ARHGEF1: variants seen among roughly 807,000 people sequenced by gnomAD.
ARHGEF1 encodes Rho guanine nucleotide exchange factor 1.
A neutral mutation model predicts 119.7 loss-of-function variants in ARHGEF1; 40 were observed. The ratio of observed to expected loss-of-function variants is 0.33; its 90% CI spans 0.26 to 0.44. ARHGEF1 has a LOEUF of 0.44. Among genes scored for constraint, ARHGEF1 ranks in the 20% least tolerant of loss-of-function variants. ARHGEF1 has a pLI of 1.00. For synonymous variants in ARHGEF1, 494 were observed against 521.0 expected (o/e 0.95, Z 0.71); for missense variants, 976 against 1,268.3 (o/e 0.77, Z 3.50).
chr19:41,888,999 AAG>A lies in ARHGEF1; in HGVS notation c.225+140_225+141del, dbSNP rs1233060279. ...TAGAACACAGAGAGCCAGATCTAGAAAGAGAGAATGCTTTAGACAAGAGCCAG... is the reference window on the plus strand; with the variant it reads ...TAGAACACAGAGAGCCAGATCTAGAAAGAGAATGCTTTAGACAAGAGCCAG... On this transcript the variant is annotated intron_variant, in intron 4 of 28. Coordinates refer to ENST00000354532, the MANE Select transcript of ARHGEF1 (RefSeq NM_004706.4). The surrounding 1 kb of genome is among the most constrained non-coding windows in gnomAD (Gnocchi z 5.1). 3.0e-4 allele frequency: 218 copies of A among 729,520 alleles called. No individual in the cohort carries two copies. The East Asian group carries it at 3.1e-3, about 10-fold the overall frequency. 45.2% of individuals were successfully genotyped at this position (729,520 alleles called of 1,614,324 possible).
Position 41,896,477 on chromosome 19 carries a change from C to A in ARHGEF1, c.1116C>A (p.Thr372=). The A allele has an allele frequency of 6.7e-7, 1 of 1,487,128 alleles. No homozygotes were observed. The highest frequency in any genetic ancestry group is 8.9e-7 in the Non-Finnish European group (1 of 1,117,440). The allele number at this position is 1,487,128 out of a possible 1,614,324, so 92.1% of individuals were successfully genotyped here. A position where few individuals can be genotyped will look rare whatever the true frequency, so the allele number is the denominator to read the frequency against. ...AGAGTACCGACGAGGGGGCCGAAAC[C>A]GAGAGGTGCCCAGGCTGGGGTGCAG... is the stretch of plus-strand genomic sequence containing the variant. ...PPESTDEGAE[T]ESPEPGDEGE... Residue 372 remains threonine (T), a synonymous_variant, in exon 13 of 29, where the codon ACC becomes ACA. Coordinates refer to ENST00000354532, the MANE Select transcript of ARHGEF1 (RefSeq NM_004706.4).
At position 41,907,220 on chromosome 19, in the gene ARHGEF1, G is replaced by A. The variant is rs1040232027; in HGVS notation, c.*133G>A. 3.3e-6 allele frequency: 5 copies of A among 1,518,862 alleles called. No homozygotes were observed. Among genetic ancestry groups the A allele is most frequent in the African/African-American group, 1.4e-5 (1 of 72,454 alleles). The allele number at this position is 1,518,862 out of a possible 1,614,324, so 94.1% of individuals were successfully genotyped here. ...CTGAGGAGAGGGAGCTGTGGGCCAC[G>A]CCTGGGAGGGGCCCAGCTGGGGTTA... On this transcript the variant is annotated 3_prime_UTR_variant, in exon 29 of 29. Coordinates refer to ENST00000354532, the MANE Select transcript of ARHGEF1 (RefSeq NM_004706.4).
intron 18 of ARHGEF1, among the ~76,000 whole-genome samples, chr19:41,915,680 C>T (rs1300954708): frequency 6.6e-6 from 1 of 151,978 alleles, no homozygotes; most frequent in African/African-American, 2.4e-5. Context: ...TCTCTGTCTC[C>T]ATGTCTCCAT....
Position 41,917,225 on chromosome 19 carries a change from A to G in ARHGEF1, c.1866-5867A>G, listed in dbSNP as rs911915578. ...CCTGCCTGTCTTTCTAAATATCTCC[A>G]TCTCTGAGTGTCTCTGTTTCCCCCA... On this transcript the variant is annotated intron_variant, in intron 18 of 20. Coordinates refer to the ARHGEF1 transcript ENST00000599589. The surrounding 1 kb of genome is among the most constrained non-coding windows in gnomAD (Gnocchi z 4.8). Among the ~76,000 whole-genome samples the G allele has an allele frequency of 1.3e-5, 2 of 150,796 alleles. No individual in the cohort carries two copies. Among genetic ancestry groups the G allele is most frequent in the Non-Finnish European group, 3.0e-5 (2 of 67,666 alleles).
intron 1 of ARHGEF1, among the ~76,000 whole-genome samples, chr19:41,923,715 C>CT (rs2074854664): frequency 8.4e-5 from 1 of 11,920 alleles, no homozygotes; most frequent in Admixed American, 1.1e-3. Context: ...GGGGGCTGTG[C>CT]TGGGGGGGTG....
Position 41,902,007 on chromosome 19 carries a change from G to A in ARHGEF1, c.1388G>A (p.Ser463Asn). 4 of 1,614,020 alleles carry A rather than the reference G, an allele frequency of 2.5e-6. No homozygotes were observed. The highest frequency in any genetic ancestry group is 1.1e-5 in the South Asian group (1 of 91,064). The change falls in exon 15 of 29, where the codon AGC becomes AAC. Residue 463 changes from serine to asparagine, a missense_variant. Around this residue, in one of 3 missense-constraint regions of ARHGEF1, gnomAD observed 286 missense variants for 506.8 expected, o/e 0.56. Transcript: ENST00000354532. The surrounding 1 kb of genome is among the most constrained non-coding windows in gnomAD (Gnocchi z 6.5). Reference protein sequence around the residue: ...PLEELQNIFPSLDELIEVHSL... With the variant: ...PLEELQNIFPNLDELIEVHSL... ...GAGGAGCTGCAGAACATCTTCCCCA[G>A]CCTGGACGAGCTCATCGAGGTGCAT...
chr19:41,907,035 CTCTGTG>C, intron 28 of ARHGEF1, 64 bp from the exon 29 acceptor site: 1 of 1,375,736 alleles, frequency 7.3e-7, no homozygotes. Flanking sequence ...CCTGTCTTGT[CTCTGTG>C]TCTGTCTCTC....
rs2074693853 is a variant in ARHGEF1, at chr19:41,906,272, T to C, written c.2492-185T>C. On this transcript the variant is annotated intron_variant, in intron 26 of 28. Coordinates refer to ENST00000354532, the MANE Select transcript of ARHGEF1 (RefSeq NM_004706.4). The surrounding 1 kb of genome is among the most constrained non-coding windows in gnomAD (Gnocchi z 4.5). ...CTCTGTCTTCAGTACCTTCCTGCCC[T>C]GTCCCAACCCTAAACCCAGCCTCAC... 1 of 681,880 alleles carries C rather than the reference T, an allele frequency of 1.5e-6. No homozygotes were observed. The highest frequency in any genetic ancestry group is 2.7e-5 in the East Asian group (1 of 36,638). The allele number at this position is 681,880 out of a possible 1,614,324, so 42.2% of individuals were successfully genotyped here.
Position 41,907,137 on chromosome 19 carries a change from G to C in ARHGEF1, c.*50G>C. The C allele has an allele frequency of 6.5e-7, 1 of 1,531,050 alleles. No individual in the cohort carries two copies. The highest frequency in any genetic ancestry group is 8.7e-7 in the Non-Finnish European group (1 of 1,144,700). 94.8% of individuals were successfully genotyped at this position (1,531,050 alleles called of 1,614,324 possible). On this transcript the variant is annotated 3_prime_UTR_variant, in exon 29 of 29. Transcript: ENST00000354532. ...GCAAGAAGGAGAGGAATGGGGGAGA[G>C]GACGTGAGGGACCACCCCCACCCAC...
In ARHGEF1 at chr19:41,917,113, C is replaced by T. The variant is rs1344593985; in HGVS notation, c.1866-5979C>T. Among the ~76,000 whole-genome samples the T allele has an allele frequency of 2.6e-5, 4 of 152,160 alleles. No individual in the cohort carries two copies. Among genetic ancestry groups the T allele is most frequent in the Non-Finnish European group, 5.9e-5 (4 of 68,030 alleles). ...GTCTCTCGGTCTCTCTCAGCCCCTTCGGGTGTCGGCGCATCTTTCTGTCTG... is the reference window on the plus strand; with the variant it reads ...GTCTCTCGGTCTCTCTCAGCCCCTTTGGGTGTCGGCGCATCTTTCTGTCTG... On this transcript the variant is annotated intron_variant, in intron 18 of 20. Transcript: ENST00000599589. This position sits in a 1 kb window ranked among gnomAD's most constrained non-coding sequence, Gnocchi z 4.8.
Position 41,891,070 on chromosome 19 carries a change from T to C in ARHGEF1, c.226-955T>C, listed in dbSNP as rs534208053. Among the ~76,000 whole-genome samples the C allele has an allele frequency of 9.2e-5, 14 of 151,794 alleles. No individual in the cohort carries two copies. In the South Asian group the frequency reaches 2.7e-3, roughly 29 times the overall value. ...AGGAAATGCTTGACGAATGACAGAG[T>C]GAGCCCCACTTGTCCACCTGTTCTT... On this transcript the variant is annotated intron_variant, in intron 4 of 28. Transcript: ENST00000354532.
intron 18 of ARHGEF1, among the ~76,000 whole-genome samples, chr19:41,914,446 C>G (rs1479974711): frequency 1.3e-5 from 2 of 151,910 alleles, no homozygotes; most frequent in Non-Finnish European, 2.9e-5. Flanking sequence ...CCCTGTTTCT[C>G]CATCTCTCAC....
At chr19:41,925,128 G>A (rs2074863737) in intron 1 of ARHGEF1, among the ~76,000 whole-genome samples, 1 of 152,100 alleles carries the variant, frequency 6.6e-6, no homozygotes, top group Admixed American at 6.6e-5. Context: ...GAGATGTGAA[G>A]CAAAGAGAGA....
chr19:41,922,348 A>C (rs1348411597), upstream of ARHGEF1, among the ~76,000 whole-genome samples: 2 of 152,224 alleles, frequency 1.3e-5, no homozygotes, highest in African/African-American at 2.4e-5. Context: ...ATCAAGGGAC[A>C]GAAATGAGGA....
At position 41,904,929 on chromosome 19, in the gene ARHGEF1, A is replaced by C; in HGVS notation, c.2162-20A>C. On this transcript the variant is annotated intron_variant, in intron 22 of 28. Coordinates refer to ENST00000354532, the MANE Select transcript of ARHGEF1 (RefSeq NM_004706.4). This position sits in a 1 kb window ranked among gnomAD's most constrained non-coding sequence, Gnocchi z 8.4. ...TGGGGGGACCTGGGCTCTGAGCCCC[A>C]TCTCCCCCTCTCCCTGCAGATCACA... 6.2e-7 allele frequency: 1 copy of C among 1,600,706 alleles called. No individual in the cohort carries two copies. The highest frequency in any genetic ancestry group is 8.6e-7 in the Non-Finnish European group (1 of 1,168,018).
chr19:41,929,114 A>G (rs2074890386), intron 2 of ARHGEF1: 1 of 300,680 alleles, frequency 3.3e-6, no homozygotes, highest in Admixed American at 4.4e-5. Context: ...GGAAGTGGAA[A>G]CACAACCGGT....
Position 41,905,623 on chromosome 19 carries a change from T to C in ARHGEF1, c.2337-137T>C. The C allele has an allele frequency of 1.2e-6, 1 of 843,374 alleles. No individual in the cohort carries two copies. The highest frequency in any genetic ancestry group is 2.6e-5 in the East Asian group (1 of 37,918). 52.2% of individuals were successfully genotyped at this position (843,374 alleles called of 1,614,324 possible). A position where few individuals can be genotyped will look rare whatever the true frequency, so the allele number is the denominator to read the frequency against. ...GTCTTCCATTGTCTGGGCCTCTCTG[T>C]CTCCCTGTCTCCCGGCCTCGACCTC... On this transcript the variant is annotated intron_variant, in intron 24 of 28. Coordinates refer to ENST00000354532, the MANE Select transcript of ARHGEF1 (RefSeq NM_004706.4). This position sits in a 1 kb window ranked among gnomAD's most constrained non-coding sequence, Gnocchi z 6.4.
chr19:41,910,229 C>T (rs2074744445), downstream of ARHGEF1: 3 of 892,652 alleles, frequency 3.4e-6, no homozygotes, highest in Admixed American at 2.8e-5. The surrounding 1 kb of genome is among the most constrained non-coding windows in gnomAD (Gnocchi z 4.4). Flanking sequence ...ACCTGGTTTC[C>T]ACACTCCAAA....
chr19:41,924,767 C>A lies in ARHGEF1; in HGVS notation c.140+1534C>A, dbSNP rs140390495. Among the ~76,000 whole-genome samples the A allele has an allele frequency of 9.0e-4, 137 of 152,108 alleles. 1 individual carries two copies. Among genetic ancestry groups the A allele is most frequent in the African/African-American group, 3.2e-3 (132 of 41,490 alleles). On this transcript the variant is annotated intron_variant, in intron 1 of 2. Transcript: ENST00000594417. Reference sequence around the variant, plus strand: ...TAACACATGCTACAGGTGTTATGCACGTGGAGGAAGGCGCTCCTCGAGGAG... The same window carrying A: ...TAACACATGCTACAGGTGTTATGCAAGTGGAGGAAGGCGCTCCTCGAGGAG...
Sources: gnomAD v4.1 joint callset for allele counts (sites outside exome capture counted in the v4.1 genomes callset) on GRCh38, gnomAD v4.1.1 for gene constraint, gnomAD v4.1.1 regional missense constraint, Gnocchi (gnomAD v3.1) non-coding constraint, MANE v1.5 for transcripts, NCBI Gene and HGNC (gene_info 2026-07-23, HGNC 2026-07-21) for gene names.